The following GALNTL6 variants were observed in gnomAD, a reference collection of about 807,000 sequenced individuals.
The protein encoded by GALNTL6 is polypeptide N-acetylgalactosaminyltransferase-like 6.
GALNTL6 carries 46 observed loss-of-function variants against 73.7 expected under a neutral mutation model. The ratio of observed to expected loss-of-function variants is 0.62; its 90% CI spans 0.49 to 0.80. GALNTL6 has a LOEUF of 0.80. GALNTL6 is among the 30% of genes least tolerant of loss of function. The pLI, the probability that GALNTL6 is intolerant of heterozygous loss-of-function variation, is 0.00. For missense variants in GALNTL6, 604 were observed against 755.0 expected (o/e 0.80, Z 2.34); for synonymous variants, 259 against 263.7 (o/e 0.98, Z 0.17).
intron 5 of GALNTL6, among the ~76,000 whole-genome samples, chr4:172,783,240 T>A (rs28436909): frequency 0.53 from 80,074 of 150,130 alleles, 21,931 homozygotes; most frequent in East Asian, 0.77. Context: ...ATAAATAAAG[T>A]AGTATACTAT....
At chr4:172,162,333 T>A (rs576435015) in intron 2 of GALNTL6, among the ~76,000 whole-genome samples, 1 of 151,998 alleles carries the variant, frequency 6.6e-6, no homozygotes, top group South Asian at 2.1e-4. Flanking sequence ...TCTGTGAAAT[T>A]AGCAGTAATG....
At chr4:172,574,250 G>A (rs1367677587) in intron 5 of GALNTL6, among the ~76,000 whole-genome samples, 1 of 152,012 alleles carries the variant, frequency 6.6e-6, no homozygotes, top group Non-Finnish European at 1.5e-5. Context: ...GTCTTGTAGT[G>A]TTTAAATTAA....
At position 172,785,065 on chromosome 4, in the gene GALNTL6, T is replaced by C. The variant is rs142712675; in HGVS notation, c.554-24296T>C. On this transcript the variant is annotated intron_variant, in intron 5 of 12. Coordinates refer to ENST00000506823, the MANE Select transcript of GALNTL6 (RefSeq NM_001034845.3). The stretch of plus-strand genomic sequence containing the variant: ...AACGATATTATACAAAATGAAATAA[T>C]ATCTGATAGAGAACAGAAAGTGGTT... Among the ~76,000 whole-genome samples, 455 of 152,258 alleles carry C rather than the reference T, an allele frequency of 3.0e-3. 5 individuals carry two copies. Among genetic ancestry groups the C allele is most frequent in the African/African-American group, 0.011 (443 of 41,536 alleles).
intron 2 of GALNTL6, among the ~76,000 whole-genome samples, chr4:171,969,725 A>G (rs991494805): frequency 6.6e-6 from 1 of 151,640 alleles, no homozygotes; most frequent in African/African-American, 2.4e-5. Context: ...CTAAAACTAA[A>G]TGGAGGCAAA....
intron 8 of GALNTL6, among the ~76,000 whole-genome samples, chr4:172,903,131 CT>C (rs1410846350): frequency 6.8e-6 from 1 of 147,022 alleles, no homozygotes; most frequent in African/African-American, 2.7e-5. Context: ...TATTTTCCCC[CT>C]AAAAGTTCAC....
At chr4:172,299,664 G>A (rs951128938) in intron 3 of GALNTL6, among the ~76,000 whole-genome samples, 2 of 152,200 alleles carry the variant, frequency 1.3e-5, no homozygotes, top group African/African-American at 4.8e-5. Flanking sequence ...CAGTTTCCAT[G>A]TAGTTGAGCA....
intron 5 of GALNTL6, among the ~76,000 whole-genome samples, chr4:172,512,756 G>A (rs1437173991): frequency 6.6e-6 from 1 of 152,122 alleles, no homozygotes; most frequent in Non-Finnish European, 1.5e-5. Context: ...GTTTAAGGAG[G>A]CTAAACATAG....
chr4:172,182,096 G>A (rs1735265870), intron 2 of GALNTL6, among the ~76,000 whole-genome samples: 1 of 152,236 alleles, frequency 6.6e-6, no homozygotes, highest in African/African-American at 2.4e-5. Flanking sequence ...AAAATCACAA[G>A]CATTTCTATA....
At position 171,898,043 on chromosome 4, in the gene GALNTL6, CA is replaced by C. The variant is rs575307469; in HGVS notation, c.138+83327del. ...AAACAATATTTATGATTCAGTAAGA[CA>C]ACTCAATTTAAAAATGGGTAAAAGT... On this transcript the variant is annotated intron_variant, in intron 2 of 12. Transcript: ENST00000506823. Among the ~76,000 whole-genome samples, 34 of 151,972 alleles carry C rather than the reference CA, an allele frequency of 2.2e-4. 1 individual carries two copies. In the South Asian group the frequency reaches 6.9e-3, roughly 31 times the overall value.
intron 5 of GALNTL6, among the ~76,000 whole-genome samples, chr4:172,593,227 T>G (rs1737721422): frequency 6.6e-6 from 1 of 152,226 alleles, no homozygotes; most frequent in African/African-American, 2.4e-5. Context: ...ACAATAGAAC[T>G]TTATGCTTTT....
At chr4:171,853,955 C>T (rs1735607768) in intron 2 of GALNTL6, among the ~76,000 whole-genome samples, 1 of 151,918 alleles carries the variant, frequency 6.6e-6, no homozygotes, top group African/African-American at 2.4e-5. Flanking sequence ...TTCATTTTTC[C>T]CTTTCACATA....
chr4:172,436,811 C>T (rs1731649067), intron 5 of GALNTL6, among the ~76,000 whole-genome samples: 1 of 152,062 alleles, frequency 6.6e-6, no homozygotes, highest in Non-Finnish European at 1.5e-5. Flanking sequence ...TCCTCAGGCT[C>T]CTCCTTTATT....
At chr4:172,349,696 C>T (rs1741873103) in intron 5 of GALNTL6, among the ~76,000 whole-genome samples, 1 of 151,926 alleles carries the variant, frequency 6.6e-6, no homozygotes, top group Admixed American at 6.6e-5. Flanking sequence ...TCTATATATA[C>T]TGGGACTTAC....
chr4:172,317,602 T>C (rs1740607033), intron 4 of GALNTL6, among the ~76,000 whole-genome samples: 1 of 152,200 alleles, frequency 6.6e-6, no homozygotes, highest in South Asian at 2.1e-4. Context: ...TGTATTCAAT[T>C]TCTTTCAGAT....
intron 5 of GALNTL6, among the ~76,000 whole-genome samples, chr4:172,710,249 TA>T (rs1002443599): frequency 1.3e-5 from 2 of 152,104 alleles, no homozygotes; most frequent in African/African-American, 4.8e-5. Flanking sequence ...AACAACATTC[TA>T]AAAAATGTTC....
chr4:172,797,195 A>T lies in GALNTL6; in HGVS notation c.554-12166A>T, dbSNP rs149032769. ...TACTTTCAGGAAGGGAAGAGAAGAG[A>T]TTTTATTGCTCCCATATGATATCTG... On this transcript the variant is annotated intron_variant, in intron 5 of 12. Coordinates refer to ENST00000506823, the MANE Select transcript of GALNTL6 (RefSeq NM_001034845.3). 1.2e-3 allele frequency among the ~76,000 whole-genome samples: 178 copies of T among 152,200 alleles called. 1 individual carries two copies. In the East Asian group the frequency reaches 0.015, roughly 13 times the overall value.
At chr4:171,851,769 C>T (rs1454224845) in intron 2 of GALNTL6, among the ~76,000 whole-genome samples, 1 of 152,132 alleles carries the variant, frequency 6.6e-6, no homozygotes, top group Non-Finnish European at 1.5e-5. Flanking sequence ...TCTGAAAGGC[C>T]ATTGCAATTT....
At chr4:172,316,281 T>C (rs1740538917) in intron 4 of GALNTL6, among the ~76,000 whole-genome samples, 1 of 152,160 alleles carries the variant, frequency 6.6e-6, no homozygotes, top group Non-Finnish European at 1.5e-5. Context: ...TGAGTTTCAT[T>C]TTTTTGGCCG....
rs150181860 is a variant in GALNTL6, at chr4:172,707,633, G to A, written c.554-101728G>A. 1.1e-4 allele frequency among the ~76,000 whole-genome samples: 16 copies of A among 152,258 alleles called. No individual in the cohort carries two copies. In the East Asian group the frequency reaches 2.9e-3, roughly 28 times the overall value. On this transcript the variant is annotated intron_variant, in intron 5 of 12. Transcript: ENST00000506823. ...CTGCATTTGTTAAAATCGTAAGGAA[G>A]ACTTTATTCAGACCTGTCAGGTCTA... is the stretch of plus-strand genomic sequence containing the variant.
Sources: gnomAD v4.1 joint callset for allele counts (sites outside exome capture counted in the v4.1 genomes callset) on GRCh38, gnomAD v4.1.1 for gene constraint, MANE v1.5 for transcripts, NCBI Gene and HGNC (gene_info 2026-07-23, HGNC 2026-07-21) for gene names.